P3H3: variants seen among roughly 807,000 people sequenced by gnomAD.
P3H3 encodes the protein gene rich cluster, B.
P3H3 carries 64 observed loss-of-function variants against 78.1 expected under a neutral mutation model. The ratio of observed to expected loss-of-function variants is 0.82; its 90% CI spans 0.67 to 1.01. The LOEUF (loss-of-function observed/expected upper bound fraction) is 1.01, where lower values mean the gene tolerates loss of function less well. P3H3 is among the 50% of genes least tolerant of loss of function. The pLI, the probability that P3H3 is intolerant of heterozygous loss-of-function variation, is 0.00. For missense variants in P3H3, 975 were observed against 982.2 expected (o/e 0.99, Z 0.10); for synonymous variants, 425 against 416.7 (o/e 1.02, Z -0.24).
chr12:6,830,707 AG>A lies in P3H3; in HGVS notation c.923del (p.Ser308ThrfsTer12). 6.2e-7 allele frequency: 1 copy of A among 1,613,890 alleles called. No homozygotes were observed. The highest frequency in any genetic ancestry group is 8.5e-7 in the Non-Finnish European group (1 of 1,179,846). On this transcript the variant is annotated frameshift_variant, in exon 4 of 15. Coordinates refer to ENST00000290510, the MANE Select transcript of P3H3 (RefSeq NM_014262.5). LOFTEE classifies it high-confidence loss of function. Reference protein sequence around the residue: ...VGETATRPGRSFPVPDFLPNQ... With the variant: ...VGETATRPGRXFPVPDFLPNQ... ...GGAAACAGCCACACGCCCTGGTCGCAGCTTCCCTGTCCCAGACTTCCTTCCC... is the reference window on the plus strand; with the variant it reads ...GGAAACAGCCACACGCCCTGGTCGCACTTCCCTGTCCCAGACTTCCTTCCC...
In P3H3 at chr12:6,839,540, C is replaced by A. The variant is rs1373065227; in HGVS notation, c.*79C>A. ...TTGATGCCAGGACACACAGGAAGCC[C>A]CTGTGTGACATCAGGAGCAGAACAG... On this transcript the variant is annotated 3_prime_UTR_variant, in exon 15 of 15. Transcript: ENST00000290510. 32 of 1,475,082 alleles carry A rather than the reference C, an allele frequency of 2.2e-5. No individual in the cohort carries two copies. The highest frequency in any genetic ancestry group is 4.2e-5 in the African/African-American group (3 of 71,156). 91.4% of individuals were successfully genotyped at this position (1,475,082 alleles called of 1,614,324 possible).
In P3H3 at chr12:6,831,808, C is replaced by A. The variant is rs781823953; in HGVS notation, c.1123-17C>A. The A allele has an allele frequency of 1.1e-4, 167 of 1,541,008 alleles. No individual in the cohort carries two copies. Among genetic ancestry groups the A allele is most frequent in the Non-Finnish European group, 1.4e-4 (162 of 1,119,312 alleles). ...CTTCCTCCAGCTACCCCTCACTGCT[C>A]ATCATCTCACCCTCAGGACATCCAG... On this transcript the variant is annotated splice_polypyrimidine_tract_variant and intron_variant, in intron 5 of 14. Transcript: ENST00000290510. The surrounding 1 kb of genome is among the most constrained non-coding windows in gnomAD (Gnocchi z 4.6).
intron 11 of P3H3, 57 bp downstream of exon 11, chr12:6,837,630 C>T (rs1943512929): frequency 8.2e-6 from 13 of 1,588,940 alleles, no homozygotes; most frequent in Middle Eastern, 1.7e-4. Flanking sequence ...CCCCAGGACA[C>T]TGCCCCCAAG....
chr12:6,837,407 C>T lies in P3H3; in HGVS notation c.1561-16C>T. 1 of 1,604,366 alleles carries T rather than the reference C, an allele frequency of 6.2e-7. No homozygotes were observed. Among genetic ancestry groups the T allele is most frequent in the Non-Finnish European group, 8.5e-7 (1 of 1,175,716 alleles). ...TTGCCTTCCTCCTTTTCTGCCCTGC[C>T]TTTCACTGCCTGCAGCTGGCCCGGG... On this transcript the variant is annotated splice_polypyrimidine_tract_variant and intron_variant, in intron 10 of 14. Coordinates refer to ENST00000290510, the MANE Select transcript of P3H3 (RefSeq NM_014262.5).
At chr12:6,838,927 TGC>T in intron 13 of P3H3, 71 bp from the exon 14 acceptor site, 1 of 1,361,122 alleles carries the variant, frequency 7.3e-7, no homozygotes, top group South Asian at 1.5e-5. Context: ...GTCCCCATCC[TGC>T]TCTAGGGAGT....
In P3H3 at chr12:6,839,603, C is replaced by T. The variant is rs1943540640; in HGVS notation, c.*142C>T. The stretch of plus-strand genomic sequence containing the variant: ...CCCTGCACCCCCACCATCTTGGGGA[C>T]CTACAAGGGCCTGGACTCAGAGGAC... On this transcript the variant is annotated 3_prime_UTR_variant, in exon 15 of 15. Transcript: ENST00000290510. 2 of 1,005,290 alleles carry T rather than the reference C, an allele frequency of 2.0e-6. No individual in the cohort carries two copies. The highest frequency in any genetic ancestry group is 1.7e-5 in the South Asian group (1 of 59,762). 62.3% of individuals were successfully genotyped at this position (1,005,290 alleles called of 1,614,324 possible). A position where few individuals can be genotyped will look rare whatever the true frequency, so the allele number is the denominator to read the frequency against.
At chr12:6,832,059 T>C in intron 6 of P3H3, 145 bp downstream of exon 6, 3 of 615,624 alleles carry the variant, frequency 4.9e-6, no homozygotes, top group Non-Finnish European at 8.7e-6. Context: ...GGAGACAGTG[T>C]GCCTGTAGTT....
At chr12:6,833,089 C>T (rs1218401134) in intron 6 of P3H3, among the ~76,000 whole-genome samples, 3 of 151,920 alleles carry the variant, frequency 2.0e-5, no homozygotes, top group Admixed American at 1.3e-4. Context: ...GCAGGAGAAT[C>T]GCTTGAACCC....
chr12:6,831,146 C>G lies in P3H3; in HGVS notation c.986-70C>G. On this transcript the variant is annotated intron_variant, in intron 4 of 14. Coordinates refer to ENST00000290510, the MANE Select transcript of P3H3 (RefSeq NM_014262.5). The surrounding 1 kb of genome is among the most constrained non-coding windows in gnomAD (Gnocchi z 4.6). ...TGGAGACCACCTTCTCCAGCACTGC[C>G]TCTGCCCCAAGGATCAATGTGCTCT... is the stretch of plus-strand genomic sequence containing the variant. The G allele has an allele frequency of 1.3e-6, 2 of 1,597,900 alleles. No individual in the cohort carries two copies. Among genetic ancestry groups the G allele is most frequent in the East Asian group, 2.2e-5 (1 of 44,784 alleles).
intron 13 of P3H3, among the ~76,000 whole-genome samples, chr12:6,838,469 C>G (rs1270018253): frequency 6.6e-6 from 1 of 152,004 alleles, no homozygotes; most frequent in East Asian, 1.9e-4. Context: ...TTTAAAGGGT[C>G]ATTGTAGGAA....
rs1264921111 is a variant in P3H3, at chr12:6,828,815, G to A, written c.375G>A (p.Leu125=). The change falls in exon 1 of 15, where the codon CTG becomes CTA. Residue 125 remains leucine (L), a synonymous_variant. Transcript: ENST00000290510. The part of the protein sequence containing the change: ...LRAALRRADC[L]TQCAARRLGP... ...CAGCGCTCCGCCGCGCAGACTGCCT[G>A]ACCCAGTGCGCAGCACGGAGGCTGG... The A allele has an allele frequency of 1.6e-6, 2 of 1,237,748 alleles. No homozygotes were observed. The highest frequency in any genetic ancestry group is 3.7e-5 in the South Asian group (1 of 27,222). The allele number at this position is 1,237,748 out of a possible 1,614,324, so 76.7% of individuals were successfully genotyped here.
chr12:6,828,951 C>A lies in P3H3; in HGVS notation c.498+13C>A, dbSNP rs998294245. On this transcript the variant is annotated intron_variant, in intron 1 of 14. Transcript: ENST00000290510. ...GGCCTATTACCAGGTGGGGAGCGGG[C>A]CGGGCAGCTCCGAGGGTCCCAGCCC... The A allele has an allele frequency of 1.6e-6, 2 of 1,216,304 alleles. No individual in the cohort carries two copies. Among genetic ancestry groups the A allele is most frequent in the African/African-American group, 1.6e-5 (1 of 64,092 alleles). 75.3% of individuals were successfully genotyped at this position (1,216,304 alleles called of 1,614,324 possible).
At position 6,837,955 on chromosome 12, in the gene P3H3, C is replaced by T. The variant is rs1943517076; in HGVS notation, c.1830-3C>T. 3 of 1,603,930 alleles carry T rather than the reference C, an allele frequency of 1.9e-6. No homozygotes were observed. The African/African-American group carries it at 4.0e-5, about 21-fold the overall frequency. Reference sequence around the variant, plus strand: ...ACTGCCTCTTGCTTTTTTCCCTCCCCAGCGGACTCCTCTACCTCAACGATG... The same window carrying T: ...ACTGCCTCTTGCTTTTTTCCCTCCCTAGCGGACTCCTCTACCTCAACGATG... On this transcript the variant is annotated splice_polypyrimidine_tract_variant and splice_region_variant and intron_variant, in intron 12 of 14. Coordinates refer to ENST00000290510, the MANE Select transcript of P3H3 (RefSeq NM_014262.5).
chr12:6,834,701 C>T (rs968377122), intron 9 of P3H3: 15 of 152,302 alleles, frequency 9.8e-5, no homozygotes, highest in African/African-American at 1.5e-4. Flanking sequence ...TTTGGGAGGC[C>T]GAGGTGGGTG....
Position 6,839,744 on chromosome 12 carries a change from A to G in P3H3, c.*283A>G. On this transcript the variant is annotated 3_prime_UTR_variant, in exon 15 of 15. Transcript: ENST00000290510. ...CTGTGCCTCCCTGAACAGAAATGGC[A>G]GGGGAGGAGGCTGATGCTTTAAATG... 1 of 427,274 alleles carries G rather than the reference A, an allele frequency of 2.3e-6. No homozygotes were observed. Among genetic ancestry groups the G allele is most frequent in the Non-Finnish European group, 4.3e-6 (1 of 234,510 alleles). The allele number at this position is 427,274 out of a possible 1,614,324, so 26.5% of individuals were successfully genotyped here.
intron 2 of P3H3, 118 bp downstream of exon 2, chr12:6,830,129 C>A: frequency 1.5e-6 from 2 of 1,341,582 alleles, no homozygotes; most frequent in Non-Finnish European, 1.0e-6. Context: ...TGATCCTCAG[C>A]GACCCTGGCT....
chr12:6,829,045 G>C lies in P3H3; in HGVS notation c.498+107G>C. 4.3e-6 allele frequency: 3 copies of C among 698,578 alleles called. No individual in the cohort carries two copies. The highest frequency in any genetic ancestry group is 6.0e-6 in the Non-Finnish European group (3 of 501,018). The allele number at this position is 698,578 out of a possible 1,614,324, so 43.3% of individuals were successfully genotyped here. ...GAATGCTGTTGCCCGGGCCCCGCAC[G>C]GGGCTGGGGAGCGTACCGCGGGCCT... On this transcript the variant is annotated intron_variant, in intron 1 of 14. Coordinates refer to ENST00000290510, the MANE Select transcript of P3H3 (RefSeq NM_014262.5). This position sits in a 1 kb window ranked among gnomAD's most constrained non-coding sequence, Gnocchi z 5.1.
Position 6,833,812 on chromosome 12 carries a change from G to A in P3H3, c.1333+3G>A, listed in dbSNP as rs1555121756. 3 of 1,611,706 alleles carry A rather than the reference G, an allele frequency of 1.9e-6. No individual in the cohort carries two copies. Among genetic ancestry groups the A allele is most frequent in the Non-Finnish European group, 2.5e-6 (3 of 1,177,874 alleles). On this transcript the variant is annotated splice_donor_region_variant and intron_variant, in intron 8 of 14. Coordinates refer to ENST00000290510, the MANE Select transcript of P3H3 (RefSeq NM_014262.5). ...AAAGCCCTTGACCTACTGGAAGGGT[G>A]AGTTCCTGGGAGGGAGAAGGCAGGA...
rs781816256 is a variant in P3H3 at position 6,833,998 on chromosome 12, G to A, written c.1407G>A (p.Leu469=). ...RQLNGSERAV[L]DGLLTPAECG... is the part of the protein sequence containing the mutation. ...TGAATGGGTCGGAGCGGGCGGTGTTGGATGGGCTGCTCACCCCAGCCGAGT... is the reference window on the plus strand; with the variant it reads ...TGAATGGGTCGGAGCGGGCGGTGTTAGATGGGCTGCTCACCCCAGCCGAGT... Residue 469 remains leucine (L), a synonymous_variant, in exon 9 of 15, where the codon TTG becomes TTA. Transcript: ENST00000290510. 11 of 1,613,714 alleles carry A rather than the reference G, an allele frequency of 6.8e-6. No individual in the cohort carries two copies. The African/African-American group carries it at 1.3e-4, about 20-fold the overall frequency.
Sources: gnomAD v4.1 joint callset for allele counts (sites outside exome capture counted in the v4.1 genomes callset) on GRCh38, gnomAD v4.1.1 for gene constraint, Gnocchi (gnomAD v3.1) non-coding constraint, MANE v1.5 for transcripts, NCBI Gene and HGNC (gene_info 2026-07-23, HGNC 2026-07-21) for gene names.